Variants in MAGI1 observed in about 807,000 individuals in gnomAD.
MAGI1 encodes the protein membrane-associated guanylate kinase, WW and PDZ domain-containing protein 1.
MAGI1 carries 58 observed loss-of-function variants against 139.9 expected under a neutral mutation model. The observed-to-expected ratio is 0.41, with a 90% CI of 0.34 to 0.52. The LOEUF (loss-of-function observed/expected upper bound fraction) is 0.52. MAGI1 is among the 20% of genes least tolerant of loss of function. MAGI1 has a pLI of 0.12. For missense variants in MAGI1, 1,874 were observed against 1,901.6 expected, an observed-to-expected ratio of 0.99 and a Z score of 0.27; for synonymous variants, 812 against 737.9, an observed-to-expected ratio of 1.10 and a Z score of -1.63.
chr3:65,807,432 TCA>T (rs1404054762), intron 1 of MAGI1, among the ~76,000 whole-genome samples: 14 of 152,318 alleles, frequency 9.2e-5, no homozygotes, highest in African/African-American at 3.1e-4. Flanking sequence ...CGTGACTTAA[TCA>T]CAGCCTAAAG....
At chr3:65,453,452 G>T in intron 5 of MAGI1, 112 bp from the exon 6 acceptor site, 1 of 765,060 alleles carries the variant, frequency 1.3e-6, no homozygotes, top group Non-Finnish European at 2.1e-6. Flanking sequence ...CTACAACAAA[G>T]ATGCTTTCCA....
rs143546019 is a variant in MAGI1, at chr3:65,379,537, C to G, written c.2719G>C (p.Glu907Gln). The change falls in exon 17 of 23, where the codon GAG becomes CAG. Residue 907 changes from glutamate (E) to glutamine (Q), a missense_variant. By Grantham distance (29) the Glu-to-Gln change is conservative (BLOSUM62 2). Coordinates refer to ENST00000402939, the MANE Select transcript of MAGI1 (RefSeq NM_001033057.2). ...VVFAVPKTENEVPSPASSHHS... is the reference protein window; with the variant it reads ...VVFAVPKTENQVPSPASSHHS... The stretch of plus-strand genomic sequence containing the variant: ...TGAGAGGAGGCTGGCGAGGGCACCT[C>G]GTTCTCGGTTTTGGGCACTGTAGCA... 6.2e-7 allele frequency: 1 copy of G among 1,609,922 alleles called. No individual in the cohort carries two copies. The highest frequency in any genetic ancestry group is 1.3e-5 in the African/African-American group (1 of 74,950).
intron 1 of MAGI1, among the ~76,000 whole-genome samples, chr3:65,935,213 CAT>C (rs1430233398): frequency 2.0e-5 from 3 of 152,096 alleles, no homozygotes; most frequent in Admixed American, 6.5e-5. Flanking sequence ...GAGAGAAACA[CAT>C]GTTTTCAGGC....
chr3:65,773,984 T>C (rs942154163), intron 1 of MAGI1, among the ~76,000 whole-genome samples: 1 of 151,926 alleles, frequency 6.6e-6, no homozygotes, highest in African/African-American at 2.4e-5. Flanking sequence ...AGAAAAAAAT[T>C]CCAAAGGATA....
intron 12 of MAGI1, among the ~76,000 whole-genome samples, chr3:65,421,217 A>G (rs575743830): frequency 6.6e-6 from 1 of 152,344 alleles, no homozygotes; most frequent in East Asian, 1.9e-4. Context: ...AACCATGGCA[A>G]TAAATCAAAA....
intron 2 of MAGI1, among the ~76,000 whole-genome samples, chr3:65,595,082 A>C (rs558560135): frequency 6.6e-6 from 1 of 152,318 alleles, no homozygotes; most frequent in African/African-American, 2.4e-5. Context: ...CACGGTGTTT[A>C]GCTCCTTTGT....
chr3:66,026,157 A>G (rs1182712839), intron 1 of MAGI1, among the ~76,000 whole-genome samples: 1 of 152,138 alleles, frequency 6.6e-6, no homozygotes, highest in African/African-American at 2.4e-5. Context: ...TGTAAATTCT[A>G]ACGCTTGGCC....
intron 1 of MAGI1, among the ~76,000 whole-genome samples, chr3:65,987,954 C>G (rs1397914546): frequency 6.6e-6 from 1 of 152,184 alleles, no homozygotes; most frequent in East Asian, 1.9e-4. Flanking sequence ...AGGACTGCCC[C>G]TGCACTTGCA....
chr3:65,935,987 T>C (rs1208642517), intron 1 of MAGI1, among the ~76,000 whole-genome samples: 2 of 152,172 alleles, frequency 1.3e-5, no homozygotes, highest in African/African-American at 2.4e-5. Flanking sequence ...CTAAGAACTA[T>C]CTGGCCAACT....
At chr3:65,574,664 A>C (rs2081100788) in intron 2 of MAGI1, among the ~76,000 whole-genome samples, 1 of 152,046 alleles carries the variant, frequency 6.6e-6, no homozygotes, top group Non-Finnish European at 1.5e-5. Flanking sequence ...CAAATTTGAA[A>C]ATGAAGAATA....
chr3:65,550,522 C>T (rs1485177302), intron 2 of MAGI1, among the ~76,000 whole-genome samples: 1 of 152,192 alleles, frequency 6.6e-6, no homozygotes, highest in African/African-American at 2.4e-5. Context: ...GAACCTGTCA[C>T]CTCCGGGCAG....
intron 1 of MAGI1, among the ~76,000 whole-genome samples, chr3:65,656,461 T>C (rs116715185): frequency 2.0e-5 from 3 of 152,234 alleles, no homozygotes; most frequent in Admixed American, 1.3e-4. Flanking sequence ...CACAAAACAG[T>C]ACACATGTTT....
chr3:66,038,350 A>C lies in MAGI1; in HGVS notation c.-42T>G. On this transcript the variant is annotated 5_prime_UTR_variant, in exon 1 of 23. Coordinates refer to ENST00000402939, the MANE Select transcript of MAGI1 (RefSeq NM_001033057.2). ...CCTCCAAAAAAATAAAACGAGAGAC[A>C]GGTGCCCCCCACAGCACGAGCCCCC... 1 of 1,512,700 alleles carries C rather than the reference A, an allele frequency of 6.6e-7. No homozygotes were observed. Among genetic ancestry groups the C allele is most frequent in the South Asian group, 1.3e-5 (1 of 76,272 alleles). 93.7% of individuals were successfully genotyped at this position (1,512,700 alleles called of 1,614,324 possible). A position where few individuals can be genotyped will look rare whatever the true frequency, so the allele number is the denominator to read the frequency against.
chr3:65,763,985 T>C (rs2037259340), intron 1 of MAGI1, among the ~76,000 whole-genome samples: 1 of 149,150 alleles, frequency 6.7e-6, no homozygotes, highest in South Asian at 2.1e-4. Flanking sequence ...GGTGAGAGGA[T>C]CACTTTACCC....
intron 2 of MAGI1, among the ~76,000 whole-genome samples, chr3:65,599,558 C>G (rs551852527): frequency 6.6e-6 from 1 of 152,280 alleles, no homozygotes; most frequent in African/African-American, 2.4e-5. Flanking sequence ...AATTACTTGC[C>G]TGTTTCCCCT....
intron 18 of MAGI1, among the ~76,000 whole-genome samples, 184 bp downstream of exon 18, chr3:65,375,561 T>C (rs1484553998): frequency 6.6e-6 from 1 of 152,108 alleles, no homozygotes; most frequent in Non-Finnish European, 1.5e-5. Flanking sequence ...GAGGTATGGG[T>C]TAGTAACAAT....
chr3:65,658,947 C>T (rs1304317907), intron 1 of MAGI1, among the ~76,000 whole-genome samples: 2 of 152,210 alleles, frequency 1.3e-5, no homozygotes, highest in Non-Finnish European at 2.9e-5. Flanking sequence ...TCCACACCTT[C>T]TTTACTTGTG....
At chr3:65,736,129 C>T (rs532022219) in intron 1 of MAGI1, among the ~76,000 whole-genome samples, 1 of 152,212 alleles carries the variant, frequency 6.6e-6, no homozygotes, top group Non-Finnish European at 1.5e-5. Flanking sequence ...GCCGAAGGTT[C>T]ATTCTCTGTT....
In MAGI1 at chr3:65,777,764, C is replaced by T. The variant is rs192932202; in HGVS notation, c.314-155676G>A. ...GTTTCAAATCCCACCTATTTGACTG[C>T]AGTGCTGTGTAATTTCTGGACCTCC... On this transcript the variant is annotated intron_variant, in intron 1 of 22. Transcript: ENST00000402939. Among the ~76,000 whole-genome samples the T allele has an allele frequency of 5.9e-5, 9 of 152,166 alleles. No homozygotes were observed. In the East Asian group the frequency reaches 1.7e-3, roughly 29 times the overall value.
Sources: gnomAD v4.1 joint callset for allele counts (sites outside exome capture counted in the v4.1 genomes callset) on GRCh38, gnomAD v4.1.1 for gene constraint, MANE v1.5 for transcripts, NCBI Gene and HGNC (gene_info 2026-07-23, HGNC 2026-07-21) for gene names.